The following ATP6V0B variants were observed in gnomAD, a reference collection of about 807,000 sequenced individuals.
The protein encoded by ATP6V0B is V-type proton ATPase 21 kDa proteolipid subunit c''.
Under a neutral mutation model 26.2 loss-of-function variants are expected in ATP6V0B, and 4 were observed. The ratio of observed to expected loss-of-function variants is 0.15; its 90% CI spans 0.08 to 0.35. The LOEUF is 0.35. Ranked by LOEUF, ATP6V0B falls within the 10% of genes least tolerant of loss-of-function variation. The pLI is 1.00. For missense variants in ATP6V0B, 175 were observed against 272.5 expected (o/e 0.64, Z 2.52); for synonymous variants, 110 against 105.8 (o/e 1.04, Z -0.24).
chr1:43,978,159 A>G lies in ATP6V0B; in HGVS notation c.*152A>G. On this transcript the variant is annotated 3_prime_UTR_variant, in exon 8 of 8. Transcript: ENST00000472174. ...CTGCGTGTTGATTTGGAGGCACTGC[A>G]GTCCAGGCCGAGTCCTCAGTGCGGG... 8.7e-7 allele frequency: 1 copy of G among 1,149,964 alleles called. No homozygotes were observed. The highest frequency in any genetic ancestry group is 1.3e-6 in the Non-Finnish European group (1 of 777,938). The allele number at this position is 1,149,964 out of a possible 1,614,324, so 71.2% of individuals were successfully genotyped here.
chr1:43,977,425 CT>C (rs1186025143), intron 7 of ATP6V0B: 1 of 1,470,694 alleles, frequency 6.8e-7, no homozygotes, highest in South Asian at 1.4e-5. Flanking sequence ...CAGCCCTGTT[CT>C]TTTTCCCCCC....
At position 43,975,081 on chromosome 1, in the gene ATP6V0B, C is replaced by T. The variant is rs2085501861; in HGVS notation, c.41C>T (p.Ala14Val). 3.6e-6 allele frequency: 5 copies of T among 1,401,462 alleles called. No homozygotes were observed. The highest frequency in any genetic ancestry group is 4.6e-6 in the Non-Finnish European group (5 of 1,082,606). The allele number at this position is 1,401,462 out of a possible 1,614,324, so 86.8% of individuals were successfully genotyped here. A position where few individuals can be genotyped will look rare whatever the true frequency, so the allele number is the denominator to read the frequency against. ...CTGCTCTACTCCGGGGTCTTCGTGG[C>T]CTTCTGGGCCTGCGCGCTGGCCGTG... Reference protein sequence around the residue: ...LALLYSGVFVAFWACALAVGV... With the variant: ...LALLYSGVFVVFWACALAVGV... Residue 14 changes from alanine to valine, a missense_variant, in exon 1 of 8, where the codon GCC (alanine) becomes GTC (valine). Around this residue, in one of 3 missense-constraint regions of ATP6V0B, gnomAD observed 75 missense variants for 94.7 expected, o/e 0.79. Transcript: ENST00000472174.
In ATP6V0B at chr1:43,976,515, C is replaced by T; in HGVS notation, c.279-75C>T. On this transcript the variant is annotated intron_variant, in intron 4 of 7. Coordinates refer to ENST00000472174, the MANE Select transcript of ATP6V0B (RefSeq NM_004047.5). The surrounding 1 kb of genome is among the most constrained non-coding windows in gnomAD (Gnocchi z 4.6). ...TAGGGGAAAGATTGCTGGGGACTTA[C>T]TGGGCAGGAAGGACGGTTTCTTTCT... The T allele has an allele frequency of 1.9e-6, 3 of 1,578,276 alleles. No individual in the cohort carries two copies. The highest frequency in any genetic ancestry group is 2.7e-5 in the African/African-American group (2 of 74,150).
rs372056085 is a variant in ATP6V0B, at chr1:43,977,156, C to T, written c.531C>T (p.Leu177=). Residue 177 remains leucine, a synonymous_variant, in exon 7 of 8, where the codon CTC becomes CTT. Transcript: ENST00000472174. ...AQNPSLFVKI[L]IVEIFGSAIG... is the part of the protein sequence containing the mutation. ...ACCCCAGCCTCTTTGTAAAGATTCT[C>T]ATCGTGGAGATCTTTGGCAGCGCCA... 3.7e-6 allele frequency: 6 copies of T among 1,614,132 alleles called. No individual in the cohort carries two copies. Among genetic ancestry groups the T allele is most frequent in the Admixed American group, 1.7e-5 (1 of 60,012 alleles).
chr1:43,976,766 C>G lies in ATP6V0B; in HGVS notation c.349-7C>G. ...ATGGTTTCTGATTACTTTTCTTCTT[C>G]CCTCAGCCTTTCAGTGCCACAGACC... On this transcript the variant is annotated splice_region_variant and splice_polypyrimidine_tract_variant and intron_variant, in intron 5 of 7. Coordinates refer to ENST00000472174, the MANE Select transcript of ATP6V0B (RefSeq NM_004047.5). This position sits in a 1 kb window ranked among gnomAD's most constrained non-coding sequence, Gnocchi z 4.6. The G allele has an allele frequency of 6.2e-7, 1 of 1,614,154 alleles. No individual in the cohort carries two copies. Among genetic ancestry groups the G allele is most frequent in the Non-Finnish European group, 8.5e-7 (1 of 1,180,032 alleles).
Position 43,976,979 on chromosome 1 carries a change from C to G in ATP6V0B, c.401-47C>G. The G allele has an allele frequency of 6.2e-7, 1 of 1,600,676 alleles. No homozygotes were observed. Among genetic ancestry groups the G allele is most frequent in the Non-Finnish European group, 8.5e-7 (1 of 1,170,748 alleles). ...TGATTGGCCCCATTAGCCCATATCT[C>G]CCCCATTCCTGGCTTAGCCTCACTG... is the stretch of plus-strand genomic sequence containing the variant. On this transcript the variant is annotated intron_variant, in intron 6 of 7. Coordinates refer to ENST00000472174, the MANE Select transcript of ATP6V0B (RefSeq NM_004047.5). This position sits in a 1 kb window ranked among gnomAD's most constrained non-coding sequence, Gnocchi z 4.6.
In ATP6V0B at chr1:43,978,184, G is replaced by A. The variant is rs1481530522; in HGVS notation, c.*177G>A. 6 of 858,848 alleles carry A rather than the reference G, an allele frequency of 7.0e-6. No homozygotes were observed. Among genetic ancestry groups the A allele is most frequent in the African/African-American group, 3.4e-5 (2 of 59,570 alleles). 53.2% of individuals were successfully genotyped at this position (858,848 alleles called of 1,614,324 possible). A position where few individuals can be genotyped will look rare whatever the true frequency, so the allele number is the denominator to read the frequency against. On this transcript the variant is annotated 3_prime_UTR_variant, in exon 8 of 8. Transcript: ENST00000472174. ...AGTCCAGGCCGAGTCCTCAGTGCGG[G>A]GAGCAGGCTGCTGCTGCTGACTCTG...
intron 1 of ATP6V0B, 73 bp downstream of exon 1, chr1:43,975,180 G>A: frequency 7.2e-7 from 1 of 1,396,738 alleles, no homozygotes; most frequent in Non-Finnish European, 9.3e-7. Flanking sequence ...GCGGGGAAGT[G>A]GCCTGCGGGG....
At chr1:43,975,871 T>G in intron 2 of ATP6V0B, 23 bp downstream of exon 2, 1 of 1,578,550 alleles carries the variant, frequency 6.3e-7, no homozygotes. Context: ...AGGGGGAGGA[T>G]TCCCCTTGAA....
intron 1 of ATP6V0B, chr1:43,975,381 T>C: frequency 1.8e-6 from 1 of 564,310 alleles, no homozygotes; most frequent in East Asian, 3.3e-5. Flanking sequence ...GTCTCACTGC[T>C]GTCCCCCCTT....
intron 1 of ATP6V0B, 94 bp from the exon 2 acceptor site, chr1:43,975,706 G>A: frequency 6.9e-7 from 1 of 1,441,316 alleles, no homozygotes; most frequent in Non-Finnish European, 9.7e-7. Flanking sequence ...GCCCCTTCAG[G>A]GAGGTGGCCC....
Position 43,978,232 on chromosome 1 carries a change from C to A in ATP6V0B, c.*225C>A. Reference sequence around the variant, plus strand: ...CTGTGCAGCTGCGCACCTGTGTCCCCCACCTCCACCCTCAACCCATCTTCC... The same window carrying A: ...CTGTGCAGCTGCGCACCTGTGTCCCACACCTCCACCCTCAACCCATCTTCC... On this transcript the variant is annotated 3_prime_UTR_variant, in exon 8 of 8. Coordinates refer to ENST00000472174, the MANE Select transcript of ATP6V0B (RefSeq NM_004047.5). The A allele has an allele frequency of 1.6e-6, 1 of 617,968 alleles. No homozygotes were observed. Among genetic ancestry groups the A allele is most frequent in the Non-Finnish European group, 2.9e-6 (1 of 348,048 alleles). 38.3% of individuals were successfully genotyped at this position (617,968 alleles called of 1,614,324 possible). A position where few individuals can be genotyped will look rare whatever the true frequency, so the allele number is the denominator to read the frequency against.
chr1:43,975,222 G>T, intron 1 of ATP6V0B, 115 bp downstream of exon 1: 1 of 1,263,086 alleles, frequency 7.9e-7, no homozygotes. Context: ...CTGCACCCGA[G>T]GCTCTGGGGA....
chr1:43,975,047 G>A lies in ATP6V0B; in HGVS notation c.7G>A (p.Gly3Arg). Residue 3 changes from glycine to arginine, a missense_variant, in exon 1 of 8, where the codon GGG (glycine) becomes AGG (arginine). Coordinates refer to ENST00000472174, the MANE Select transcript of ATP6V0B (RefSeq NM_004047.5). ...CCCCGCCGCCGTCGCCGCCATGACG[G>A]GGCTAGCACTGCTCTACTCCGGGGT... is the stretch of plus-strand genomic sequence containing the variant. Reference protein sequence around the residue: MTGLALLYSGVFV... With the variant: MTRLALLYSGVFV... The A allele has an allele frequency of 7.6e-7, 1 of 1,322,326 alleles. No homozygotes were observed. Among genetic ancestry groups the A allele is most frequent in the Non-Finnish European group, 9.7e-7 (1 of 1,033,336 alleles). 81.9% of individuals were successfully genotyped at this position (1,322,326 alleles called of 1,614,324 possible). A position where few individuals can be genotyped will look rare whatever the true frequency, so the allele number is the denominator to read the frequency against.
At chr1:43,975,511 C>T in intron 1 of ATP6V0B, 1 of 562,192 alleles carries the variant, frequency 1.8e-6, no homozygotes, top group Non-Finnish European at 3.1e-6. Context: ...ACTGGGCCGG[C>T]GGGATCTGGC....
chr1:43,977,785 C>T (rs1053356521), intron 7 of ATP6V0B, 196 bp from the exon 8 acceptor site: 25 of 1,503,156 alleles, frequency 1.7e-5, no homozygotes, highest in Non-Finnish European at 2.1e-5. Flanking sequence ...CCACTTCTCT[C>T]CGTCTGTCCC....
rs1371093460 is a variant in ATP6V0B at position 43,978,251 on chromosome 1, A to G, written c.*244A>G. The G allele has an allele frequency of 5.0e-6, 3 of 597,618 alleles. No individual in the cohort carries two copies. Among genetic ancestry groups the G allele is most frequent in the Non-Finnish European group, 9.0e-6 (3 of 335,016 alleles). 37.0% of individuals were successfully genotyped at this position (597,618 alleles called of 1,614,324 possible). A position where few individuals can be genotyped will look rare whatever the true frequency, so the allele number is the denominator to read the frequency against. On this transcript the variant is annotated 3_prime_UTR_variant, in exon 8 of 8. Coordinates refer to ENST00000472174, the MANE Select transcript of ATP6V0B (RefSeq NM_004047.5). ...TGTCCCCCACCTCCACCCTCAACCC[A>G]TCTTCCTAGTGTTTGTGAAATAAAC... is the stretch of plus-strand genomic sequence containing the variant.
Position 43,976,262 on chromosome 1 carries a change from A to G in ATP6V0B, c.201-40A>G. 6.2e-7 allele frequency: 1 copy of G among 1,610,874 alleles called. No individual in the cohort carries two copies. The highest frequency in any genetic ancestry group is 8.5e-7 in the Non-Finnish European group (1 of 1,177,190). On this transcript the variant is annotated intron_variant, in intron 3 of 7. Transcript: ENST00000472174. This position sits in a 1 kb window ranked among gnomAD's most constrained non-coding sequence, Gnocchi z 4.6. ...TCTTAGGCATGCTGAGGGCAGTGAC[A>G]GCTTGGGCTCTGCTCATCAGTTTTT...
intron 1 of ATP6V0B, chr1:43,975,348 T>A (rs992074406): frequency 1.7e-6 from 1 of 585,706 alleles, no homozygotes; most frequent in African/African-American, 2.0e-5. Context: ...CCTGCCACTA[T>A]CGCTGTCTCC....
Sources: allele counts gnomAD v4.1 joint callset, GRCh38; gene constraint gnomAD v4.1.1; regional missense constraint gnomAD v4.1.1; non-coding constraint Gnocchi (gnomAD v3.1); transcripts MANE v1.5; gene names NCBI Gene and HGNC (gene_info 2026-07-23, HGNC 2026-07-21).